The following CNTN5 variants were observed in gnomAD, a reference collection of about 807,000 sequenced individuals.
The protein encoded by CNTN5 is contactin 5, also known as contactin-5.
CNTN5 carries 77 observed loss-of-function variants against 129.1 expected under a neutral mutation model. That is an observed-to-expected ratio of 0.60 (90% CI 0.50 to 0.72). The LOEUF (loss-of-function observed/expected upper bound fraction) is 0.72, where lower values mean the gene tolerates loss of function less well. Ranked by LOEUF, CNTN5 falls within the 30% of genes least tolerant of loss-of-function variation. The pLI, the probability that CNTN5 is intolerant of heterozygous loss-of-function variation, is 0.00. For missense variants in CNTN5, 1,478 were observed against 1,328.8 expected, an observed-to-expected ratio of 1.11 and a Z score of -1.75; for synonymous variants, 509 against 465.6, an observed-to-expected ratio of 1.09 and a Z score of -1.20.
chr11:99,995,193 T>G (rs961049707), intron 8 of CNTN5, among the ~76,000 whole-genome samples: 1 of 152,106 alleles, frequency 6.6e-6, no homozygotes, highest in Non-Finnish European at 1.5e-5. Flanking sequence ...GTAAACTGAT[T>G]AGAAAAATGA....
chr11:99,277,750 A>G (rs1241812681), intron 1 of CNTN5, among the ~76,000 whole-genome samples: 5 of 151,764 alleles, frequency 3.3e-5, no homozygotes, highest in African/African-American at 1.2e-4. Flanking sequence ...TAGGTTCCTG[A>G]AAAACAACAT....
At chr11:99,520,117 A>G (rs1208440588) in intron 2 of CNTN5, among the ~76,000 whole-genome samples, 6 of 152,098 alleles carry the variant, frequency 3.9e-5, no homozygotes, top group Non-Finnish European at 1.5e-5. Context: ...ATACAACCAG[A>G]AAGTATTTGG....
At chr11:99,147,177 T>C (rs1178942483) in intron 1 of CNTN5, among the ~76,000 whole-genome samples, 1 of 152,190 alleles carries the variant, frequency 6.6e-6, no homozygotes, top group Non-Finnish European at 1.5e-5. Context: ...TATCTTTGAA[T>C]AGGTCAGGAC....
At chr11:99,964,892 G>A (rs1220968450) in intron 8 of CNTN5, among the ~76,000 whole-genome samples, 1 of 151,984 alleles carries the variant, frequency 6.6e-6, no homozygotes, top group Non-Finnish European at 1.5e-5. Context: ...GTCTTGGGAG[G>A]GTGTATGTGT....
chr11:100,171,894 T>C (rs1386021313), intron 13 of CNTN5, among the ~76,000 whole-genome samples: 2 of 152,020 alleles, frequency 1.3e-5, no homozygotes, highest in Non-Finnish European at 2.9e-5. Context: ...ATAAATACGT[T>C]GGTTTATATC....
At chr11:99,896,052 C>T (rs1949197587) in intron 6 of CNTN5, among the ~76,000 whole-genome samples, 1 of 152,228 alleles carries the variant, frequency 6.6e-6, no homozygotes, top group East Asian at 1.9e-4. Flanking sequence ...TCTCTGAGTG[C>T]ATAACTCCCA....
chr11:99,354,552 A>C (rs916049166), intron 2 of CNTN5, among the ~76,000 whole-genome samples: 1 of 152,186 alleles, frequency 6.6e-6, no homozygotes, highest in African/African-American at 2.4e-5. Context: ...AAATAATAAA[A>C]AGCAAAGGGG....
intron 2 of CNTN5, among the ~76,000 whole-genome samples, chr11:99,345,151 C>T (rs552939771): frequency 3.3e-5 from 5 of 152,092 alleles, no homozygotes; most frequent in African/African-American, 9.6e-5. Flanking sequence ...GCATATAAGC[C>T]ATATGAATAC....
At chr11:99,045,435 G>A (rs1187101342) in intron 1 of CNTN5, among the ~76,000 whole-genome samples, 2 of 152,128 alleles carry the variant, frequency 1.3e-5, no homozygotes, top group Non-Finnish European at 2.9e-5. Context: ...GAGCATCTAC[G>A]AAAGCATGTT....
At chr11:99,577,108 AT>A (rs1323632454) in intron 3 of CNTN5, among the ~76,000 whole-genome samples, 2 of 152,170 alleles carry the variant, frequency 1.3e-5, no homozygotes, top group African/African-American at 2.4e-5. Context: ...TTGTTAAATA[AT>A]TCACACCAAA....
chr11:99,790,727 A>T (rs1945711177), intron 3 of CNTN5, among the ~76,000 whole-genome samples: 2 of 152,130 alleles, frequency 1.3e-5, no homozygotes, highest in Admixed American at 6.6e-5. Context: ...TTCTGCTTTG[A>T]GTTCTCTGAG....
intron 9 of CNTN5, among the ~76,000 whole-genome samples, chr11:100,048,778 G>C (rs1942813932): frequency 6.6e-6 from 1 of 151,920 alleles, no homozygotes; most frequent in South Asian, 2.1e-4. Context: ...AAAATATTTT[G>C]AAGAGTATAA....
At chr11:100,051,585 G>C (rs1300880777) in intron 9 of CNTN5, among the ~76,000 whole-genome samples, 1 of 151,798 alleles carries the variant, frequency 6.6e-6, no homozygotes, top group Non-Finnish European at 1.5e-5. Flanking sequence ...ATTAATTTAA[G>C]ATGAAAGATA....
Position 100,176,693 on chromosome 11 carries a change from G to C in CNTN5, c.1581-14433G>C, listed in dbSNP as rs958423329. 1.6e-4 allele frequency among the ~76,000 whole-genome samples: 24 copies of C among 152,184 alleles called. No homozygotes were observed. In the South Asian group the frequency reaches 1.7e-3, roughly 11 times the overall value. On this transcript the variant is annotated intron_variant, in intron 13 of 24. Coordinates refer to ENST00000524871, the MANE Select transcript of CNTN5 (RefSeq NM_014361.4). ...CTAGAATAATGGTCTCCAAATAGAA[G>C]TCTGAGCAATTTAGAGAGTGAGCAA...
At chr11:99,835,500 G>A (rs1031335081) in intron 4 of CNTN5, among the ~76,000 whole-genome samples, 1 of 152,128 alleles carries the variant, frequency 6.6e-6, no homozygotes, top group African/African-American at 2.4e-5. Context: ...TCAAAGAGCT[G>A]ACATAATGTC....
chr11:100,312,272 A>G (rs1470480023), intron 21 of CNTN5, among the ~76,000 whole-genome samples: 2 of 152,064 alleles, frequency 1.3e-5, no homozygotes, highest in Non-Finnish European at 2.9e-5. Context: ...TTTTTGATTT[A>G]TACTGTTTCA....
At chr11:100,269,611 G>A (rs1203131111) in intron 17 of CNTN5, among the ~76,000 whole-genome samples, 1 of 152,090 alleles carries the variant, frequency 6.6e-6, no homozygotes, top group Admixed American at 6.6e-5. Flanking sequence ...AAAAGTTGTA[G>A]GAATGCCCAG....
chr11:100,104,013 A>C (rs1945325409), intron 13 of CNTN5, among the ~76,000 whole-genome samples: 1 of 151,972 alleles, frequency 6.6e-6, no homozygotes, highest in South Asian at 2.1e-4. Flanking sequence ...TAGAATGGAA[A>C]TTTGTTAAAT....
At chr11:99,677,990 C>G (rs562368168) in intron 3 of CNTN5, among the ~76,000 whole-genome samples, 1 of 152,192 alleles carries the variant, frequency 6.6e-6, no homozygotes, top group South Asian at 2.1e-4. Context: ...TATTATGCTT[C>G]TACTGAAGCA....
Sources: allele counts gnomAD v4.1 joint callset (sites outside exome capture counted in the v4.1 genomes callset), GRCh38; gene constraint gnomAD v4.1.1; transcripts MANE v1.5; gene names NCBI Gene and HGNC (gene_info 2026-07-23, HGNC 2026-07-21).